CNTNAP2: variants seen among roughly 807,000 people sequenced by gnomAD.
The protein encoded by CNTNAP2 is contactin associated protein 2, also known as contactin-associated protein-like 2.
CNTNAP2 carries 98 observed loss-of-function variants against 155.2 expected under a neutral mutation model. The observed-to-expected ratio is 0.63, with a 90% CI of 0.54 to 0.75. The LOEUF is 0.75. CNTNAP2 is among the 30% of genes least tolerant of loss of function. CNTNAP2 has a pLI of 0.00. For synonymous variants in CNTNAP2, 651 were observed against 631.2 expected (o/e 1.03, Z -0.47); for missense variants, 1,727 against 1,688.1 (o/e 1.02, Z -0.40).
chr7:146,182,905 C>T (rs1798570009), intron 1 of CNTNAP2, among the ~76,000 whole-genome samples: 2 of 152,142 alleles, frequency 1.3e-5, no homozygotes, highest in African/African-American at 2.4e-5. Flanking sequence ...CTAGGTCCTG[C>T]TCATCTTTCT....
chr7:148,324,533 C>T (rs1396700248), intron 21 of CNTNAP2, among the ~76,000 whole-genome samples: 1 of 152,180 alleles, frequency 6.6e-6, no homozygotes, highest in Admixed American at 6.5e-5. Context: ...CGCAGCGGCT[C>T]ATGCCTGTAA....
At chr7:147,001,617 A>G (rs1407698455) in intron 3 of CNTNAP2, among the ~76,000 whole-genome samples, 1 of 151,966 alleles carries the variant, frequency 6.6e-6, no homozygotes, top group East Asian at 1.9e-4. Context: ...TGATGCTGTA[A>G]TTCTTATCTC....
chr7:146,875,967 A>AAAAAC (rs1562983137), intron 3 of CNTNAP2, among the ~76,000 whole-genome samples: 2 of 149,318 alleles, frequency 1.3e-5, no homozygotes, highest in Admixed American at 6.8e-5. Flanking sequence ...AAAAACAAAA[A>AAAAAC]ACAAAAAAAC....
chr7:148,246,894 C>T (rs1050903246), intron 20 of CNTNAP2, among the ~76,000 whole-genome samples: 3 of 152,162 alleles, frequency 2.0e-5, no homozygotes, highest in Non-Finnish European at 4.4e-5. Flanking sequence ...TCTTTCTATC[C>T]TTGCTGAGCG....
At chr7:147,819,505 TTTATACC>T (rs1482560356) in intron 13 of CNTNAP2, among the ~76,000 whole-genome samples, 3 of 152,214 alleles carry the variant, frequency 2.0e-5, no homozygotes, top group Admixed American at 2.0e-4. Context: ...TTGTTATTAC[TTTATACC>T]TTAAGATATT....
chr7:147,758,803 C>A (rs1797256338), intron 13 of CNTNAP2, among the ~76,000 whole-genome samples: 1 of 152,054 alleles, frequency 6.6e-6, no homozygotes, highest in South Asian at 2.1e-4. Context: ...CCAGATTGCT[C>A]CACTGTACTC....
At chr7:147,264,295 T>C (rs1804558264) in intron 8 of CNTNAP2, among the ~76,000 whole-genome samples, 1 of 152,146 alleles carries the variant, frequency 6.6e-6, no homozygotes, top group African/African-American at 2.4e-5. Flanking sequence ...CAGAGAAGCA[T>C]GGAATTTTAC....
chr7:147,774,453 T>G (rs547186803), intron 13 of CNTNAP2, among the ~76,000 whole-genome samples: 1 of 152,226 alleles, frequency 6.6e-6, no homozygotes, highest in Non-Finnish European at 1.5e-5. Context: ...AATTTCTTGA[T>G]GGAAATTGTT....
intron 13 of CNTNAP2, among the ~76,000 whole-genome samples, chr7:147,820,201 G>A (rs535820937): frequency 1.1e-4 from 17 of 152,128 alleles, no homozygotes; most frequent in Middle Eastern, 3.4e-3. Flanking sequence ...CCATTCCAGT[G>A]GGTGTACAGT....
chr7:147,233,262 C>CT (rs771731287), intron 8 of CNTNAP2, among the ~76,000 whole-genome samples: 20 of 152,264 alleles, frequency 1.3e-4, no homozygotes, highest in African/African-American at 4.3e-4. Flanking sequence ...ATAAGTTAGG[C>CT]TGCCTGGGTC....
intron 3 of CNTNAP2, among the ~76,000 whole-genome samples, chr7:147,001,358 A>G (rs111744398): frequency 4.6e-4 from 70 of 151,994 alleles, no homozygotes; most frequent in African/African-American, 1.5e-3. Context: ...TCCTTTTTCT[A>G]TTGGGCACCT....
At chr7:146,772,974 T>A (rs939923194) in intron 1 of CNTNAP2, among the ~76,000 whole-genome samples, 26 of 152,122 alleles carry the variant, frequency 1.7e-4, no homozygotes, top group African/African-American at 5.8e-4. Context: ...TTTGTAACAG[T>A]GATCTCTGGA....
At chr7:147,717,301 C>T (rs1650469561) in intron 13 of CNTNAP2, among the ~76,000 whole-genome samples, 1 of 152,054 alleles carries the variant, frequency 6.6e-6, no homozygotes, top group African/African-American at 2.4e-5. Flanking sequence ...ACACTAATTC[C>T]CGAGGCGCAG....
At chr7:147,290,920 G>A (rs1805292454) in intron 8 of CNTNAP2, among the ~76,000 whole-genome samples, 2 of 152,078 alleles carry the variant, frequency 1.3e-5, no homozygotes, top group African/African-American at 4.8e-5. Flanking sequence ...CACAAATGTT[G>A]AATCTGCAAA....
At chr7:146,954,705 G>A (rs532043927) in intron 3 of CNTNAP2, among the ~76,000 whole-genome samples, 18 of 150,590 alleles carry the variant, frequency 1.2e-4, no homozygotes, top group Admixed American at 9.3e-4. Context: ...GTGTTTTATT[G>A]CTCACAAGAA....
At chr7:146,716,313 T>C (rs754633439) in intron 1 of CNTNAP2, among the ~76,000 whole-genome samples, 13 of 150,966 alleles carry the variant, frequency 8.6e-5, no homozygotes, top group Non-Finnish European at 1.9e-4. Flanking sequence ...ACCTTATACA[T>C]ACCATTTCCC....
In CNTNAP2 at chr7:148,365,755, TATGTGTATACGTGTATACATGTA is replaced by T. The variant is rs1798732715; in HGVS notation, c.3476-17893_3476-17871del. ...ATGTATGTGTATACATGTATACATG[TATGTGTATACGTGTATACATGTA>T]TGTGTATGCATGTATACATGCATGT... On this transcript the variant is annotated intron_variant, in intron 21 of 23. Transcript: ENST00000361727. 2.6e-5 allele frequency among the ~76,000 whole-genome samples: 2 copies of T among 76,594 alleles called. 1 individual carries two copies. The allele number at this position is 76,594 out of a possible 152,430, so 50.2% of individuals were successfully genotyped here.
chr7:146,837,263 C>T (rs1803635676), intron 2 of CNTNAP2, among the ~76,000 whole-genome samples: 1 of 151,956 alleles, frequency 6.6e-6, no homozygotes, highest in Non-Finnish European at 1.5e-5. Context: ...CCTTGTTTTT[C>T]CTCTCTGAGC....
chr7:146,558,031 T>C (rs1218377957), intron 1 of CNTNAP2, among the ~76,000 whole-genome samples: 1 of 152,188 alleles, frequency 6.6e-6, no homozygotes, highest in Admixed American at 6.5e-5. Flanking sequence ...TTGTGTTTTT[T>C]AGTACTGTGA....
Sources: allele counts gnomAD v4.1 joint callset (sites outside exome capture counted in the v4.1 genomes callset), GRCh38; gene constraint gnomAD v4.1.1; transcripts MANE v1.5; gene names NCBI Gene and HGNC (gene_info 2026-07-23, HGNC 2026-07-21).